Variants in ASPHD2 observed in about 807,000 individuals in gnomAD.
The protein encoded by ASPHD2 is aspartate beta-hydroxylase domain containing 2.
ASPHD2 carries 12 observed loss-of-function variants against 34.6 expected under a neutral mutation model. The ratio of observed to expected loss-of-function variants is 0.35; its 90% CI spans 0.22 to 0.56. The LOEUF is 0.56. ASPHD2 is among the 20% of genes least tolerant of loss of function. ASPHD2 has a pLI of 0.87. For missense variants in ASPHD2, 375 were observed against 505.0 expected (o/e 0.74, Z 2.47); for synonymous variants, 224 against 212.2 (o/e 1.06, Z -0.48).
chr22:26,431,383 T>A (rs2084754878), intron 1 of ASPHD2, among the ~76,000 whole-genome samples: 1 of 148,506 alleles, frequency 6.7e-6, no homozygotes, highest in Non-Finnish European at 1.5e-5. Context: ...CCTCTTCTCC[T>A]GAATCTGAGA....
chr22:26,441,350 C>T (rs140922213), intron 2 of ASPHD2, among the ~76,000 whole-genome samples: 97 of 152,180 alleles, frequency 6.4e-4, no homozygotes, highest in African/African-American at 2.1e-3. Context: ...TGATGGTGCA[C>T]ACCTATAGTC....
intron 1 of ASPHD2, among the ~76,000 whole-genome samples, chr22:26,432,743 C>T (rs1410440818): frequency 6.6e-6 from 1 of 152,204 alleles, no homozygotes; most frequent in Non-Finnish European, 1.5e-5. Context: ...TAGGTAGTCT[C>T]CAGGTGGGTA....
In ASPHD2 at chr22:26,434,517, A is replaced by G. The variant is rs1412135874; in HGVS notation, c.886+16A>G. ...TGCCATTTAGGTATGTTGCAAGGAC[A>G]GGGGTCTCCCGGCATGCACATTTGC... is the stretch of plus-strand genomic sequence containing the variant. On this transcript the variant is annotated intron_variant, in intron 2 of 3. Transcript: ENST00000215906. The G allele has an allele frequency of 2.6e-6, 4 of 1,553,266 alleles. No homozygotes were observed. Among genetic ancestry groups the G allele is most frequent in the Non-Finnish European group, 3.5e-6 (4 of 1,147,590 alleles).
At position 26,433,651 on chromosome 22, in the gene ASPHD2, TTGTC is replaced by T. The variant is rs762386735; in HGVS notation, c.39_42del (p.Cys13Ter). ...CGCCCTTGGGACCCCCGAGGACTGA[TTGTC>T]TGACCTTGCTTCACACGCCCAGTAA... On this transcript the variant is annotated frameshift_variant, in exon 2 of 4. Transcript: ENST00000215906. LOFTEE classifies it high-confidence loss of function. This position sits in a 1 kb window ranked among gnomAD's most constrained non-coding sequence, Gnocchi z 5.1. 6.2e-6 allele frequency: 10 copies of T among 1,614,012 alleles called. No homozygotes were observed. Among genetic ancestry groups the T allele is most frequent in the Non-Finnish European group, 8.5e-6 (10 of 1,179,974 alleles).
At chr22:26,430,320 G>A (rs1047907246) in intron 1 of ASPHD2, among the ~76,000 whole-genome samples, 9 of 152,322 alleles carry the variant, frequency 5.9e-5, no homozygotes, top group African/African-American at 1.9e-4. Context: ...GGCTCTCCCA[G>A]GTGTTCATGG....
Position 26,433,882 on chromosome 22 carries a change from C to G in ASPHD2, c.267C>G (p.Val89=), listed in dbSNP as rs1425223857. ...GREQPRPYVS[V]NSLMQAADAN... ...AGCAGCCCCGGCCCTACGTCTCCGT[C>G]AACTCCCTCATGCAGGCTGCCGATG... The change falls in exon 2 of 4, where the codon GTC becomes GTG. Residue 89 remains valine, a synonymous_variant. Transcript: ENST00000215906. The surrounding 1 kb of genome is among the most constrained non-coding windows in gnomAD (Gnocchi z 5.1). The G allele has an allele frequency of 3.1e-6, 5 of 1,613,856 alleles. No individual in the cohort carries two copies. Among genetic ancestry groups the G allele is most frequent in the Non-Finnish European group, 4.2e-6 (5 of 1,180,036 alleles).
rs747886774 is a variant in ASPHD2, at chr22:26,433,659, C to A, written c.44C>A (p.Thr15Asn). Residue 15 changes from threonine to asparagine, a missense_variant, in exon 2 of 4, where the codon ACC becomes AAC. Thr to Asn is a moderately conservative substitution (Grantham distance 65). Around this residue, in one of 3 missense-constraint regions of ASPHD2, gnomAD observed 223 missense variants for 257.8 expected, o/e 0.87. Transcript: ENST00000215906. This position sits in a 1 kb window ranked among gnomAD's most constrained non-coding sequence, Gnocchi z 5.1. Reference sequence around the variant, plus strand: ...GGACCCCCGAGGACTGATTGTCTGACCTTGCTTCACACGCCCAGTAAGGAC... The same window carrying A: ...GGACCCCCGAGGACTGATTGTCTGAACTTGCTTCACACGCCCAGTAAGGAC... The part of the protein sequence containing the change: ...PLGPPRTDCL[T>N]LLHTPSKDSP... 10 of 1,614,032 alleles carry A rather than the reference C, an allele frequency of 6.2e-6. No homozygotes were observed. Among genetic ancestry groups the A allele is most frequent in the Non-Finnish European group, 8.5e-6 (10 of 1,180,038 alleles).
At chr22:26,439,816 G>A (rs945674933) in intron 2 of ASPHD2, among the ~76,000 whole-genome samples, 1 of 152,216 alleles carries the variant, frequency 6.6e-6, no homozygotes, top group African/African-American at 2.4e-5. Flanking sequence ...CCAGTCGTCT[G>A]TCCCCAAGTC....
intron 2 of ASPHD2, among the ~76,000 whole-genome samples, chr22:26,441,992 G>C (rs1443231363): frequency 6.6e-6 from 1 of 151,488 alleles, no homozygotes; most frequent in Non-Finnish European, 1.5e-5. Flanking sequence ...GTGCCTCCCA[G>C]CTACTCCGGA....
rs998185562 is a variant in ASPHD2 at position 26,429,639 on chromosome 22, C to T, written c.-225+153C>T. Among the ~76,000 whole-genome samples, 2 of 151,642 alleles carry T rather than the reference C, an allele frequency of 1.3e-5. No homozygotes were observed. The highest frequency in any genetic ancestry group is 2.9e-5 in the Non-Finnish European group (2 of 67,816). Reference sequence around the variant, plus strand: ...GCCGCCGCCCCCGCCGAGGATGCTCCGGGACCCGGGCGCCCGCATCCCGGC... The same window carrying T: ...GCCGCCGCCCCCGCCGAGGATGCTCTGGGACCCGGGCGCCCGCATCCCGGC... On this transcript the variant is annotated intron_variant, in intron 1 of 3. Transcript: ENST00000215906. This position sits in a 1 kb window ranked among gnomAD's most constrained non-coding sequence, Gnocchi z 4.5.
chr22:26,434,606 C>T lies in ASPHD2; in HGVS notation c.886+105C>T, dbSNP rs2084779674. 5 of 1,312,300 alleles carry T rather than the reference C, an allele frequency of 3.8e-6. No homozygotes were observed. The East Asian group carries it at 1.2e-4, about 31-fold the overall frequency. 81.3% of individuals were successfully genotyped at this position (1,312,300 alleles called of 1,614,324 possible). A position where few individuals can be genotyped will look rare whatever the true frequency, so the allele number is the denominator to read the frequency against. Reference sequence around the variant, plus strand: ...AAATGGTCAGAATTGCGCCTTTTCGCATTGTTCACTTTTAGCAAAAACTGA... The same window carrying T: ...AAATGGTCAGAATTGCGCCTTTTCGTATTGTTCACTTTTAGCAAAAACTGA... On this transcript the variant is annotated intron_variant, in intron 2 of 3. Coordinates refer to ENST00000215906, the MANE Select transcript of ASPHD2 (RefSeq NM_020437.5).
At chr22:26,438,626 TATATATACATATATATATAC>T (rs1183912173) in intron 2 of ASPHD2, among the ~76,000 whole-genome samples, 1 of 85,718 alleles carries the variant, frequency 1.2e-5, no homozygotes, top group South Asian at 3.1e-4. Context: ...TATACACACA[TATATATACATATATATATAC>T]ACATACATAT....
At chr22:26,434,666 G>A (rs1363652861) in intron 2 of ASPHD2, among the ~76,000 whole-genome samples, 165 bp downstream of exon 2, 1 of 152,230 alleles carries the variant, frequency 6.6e-6, no homozygotes, top group Non-Finnish European at 1.5e-5. Context: ...AGCAGAGATT[G>A]AGTCAAAAAG....
At chr22:26,432,176 T>G (rs2084760884) in intron 1 of ASPHD2, among the ~76,000 whole-genome samples, 2 of 152,150 alleles carry the variant, frequency 1.3e-5, no homozygotes, top group Non-Finnish European at 2.9e-5. Context: ...GCCTGGGCGA[T>G]AAGAGTGAAA....
chr22:26,438,652 C>CATATATATATATACATACAT (rs1568984156), intron 2 of ASPHD2, among the ~76,000 whole-genome samples: 6,798 of 122,548 alleles, frequency 0.055, 325 homozygotes, highest in African/African-American at 0.077. Flanking sequence ...TATACACATA[C>CATATATATATATACATACAT]ATATATATAT....
At chr22:26,441,914 C>T (rs1339187391) in intron 2 of ASPHD2, among the ~76,000 whole-genome samples, 2 of 101,674 alleles carry the variant, frequency 2.0e-5, no homozygotes, top group African/African-American at 8.3e-5. Context: ...CAGAGTGAGA[C>T]TCTGTCTCAA....
At chr22:26,437,673 T>C (rs1025242463) in intron 2 of ASPHD2, among the ~76,000 whole-genome samples, 6 of 152,178 alleles carry the variant, frequency 3.9e-5, no homozygotes, top group African/African-American at 1.4e-4. Context: ...CTTTTCTGCA[T>C]GTCATCAGAT....
chr22:26,443,188 C>A lies in ASPHD2; in HGVS notation c.1092C>A (p.Ile364=), dbSNP rs779101531. 2 of 1,614,120 alleles carry A rather than the reference C, an allele frequency of 1.2e-6. No homozygotes were observed. The highest frequency in any genetic ancestry group is 1.7e-6 in the Non-Finnish European group (2 of 1,179,978). ...AAAERQALDF[I]FAPGR Reference sequence around the variant, plus strand: ...CCGAACGGCAGGCTCTTGATTTCATCTTTGCTCCGGGACGATGAGAGTATT... The same window carrying A: ...CCGAACGGCAGGCTCTTGATTTCATATTTGCTCCGGGACGATGAGAGTATT... Residue 364 remains isoleucine, a synonymous_variant, in exon 4 of 4, where the codon ATC becomes ATA. Transcript: ENST00000215906.
intron 2 of ASPHD2, among the ~76,000 whole-genome samples, chr22:26,435,139 C>T (rs1309578998): frequency 1.3e-5 from 2 of 152,154 alleles, no homozygotes; most frequent in African/African-American, 2.4e-5. Context: ...GGCCCCACCA[C>T]GAGCTGTGCT....
Sources: allele counts gnomAD v4.1 joint callset (sites outside exome capture counted in the v4.1 genomes callset), GRCh38; gene constraint gnomAD v4.1.1; regional missense constraint gnomAD v4.1.1; non-coding constraint Gnocchi (gnomAD v3.1); transcripts MANE v1.5; gene names NCBI Gene and HGNC (gene_info 2026-07-23, HGNC 2026-07-21).